Variants in DLEU7 observed in about 807,000 individuals in gnomAD.
DLEU7 encodes the protein deleted in lymphocytic leukemia 7.
In DLEU7, 17 loss-of-function variants were observed where a neutral mutation model predicts 16.0. The ratio of observed to expected loss-of-function variants is 1.06; its 90% CI spans 0.73 to 1.59. The LOEUF (loss-of-function observed/expected upper bound fraction) is 1.59, where lower values mean the gene tolerates loss of function less well. Among genes scored for constraint, DLEU7 ranks in the 40% most tolerant of loss-of-function variants. The probability of loss-of-function intolerance (pLI) is 0.00; values close to 1 mark genes in which losing one functional copy is unlikely to be tolerated. For missense variants in DLEU7, 308 were observed against 314.9 expected, an observed-to-expected ratio of 0.98 and a Z score of 0.17; for synonymous variants, 113 against 139.8, an observed-to-expected ratio of 0.81 and a Z score of 1.35.
intron 1 of DLEU7, among the ~76,000 whole-genome samples, chr13:50,780,085 G>A (rs148551073): frequency 6.6e-6 from 1 of 152,230 alleles, no homozygotes; most frequent in African/African-American, 2.4e-5. Flanking sequence ...TTAAGGCTGT[G>A]GTCAATTGGG....
intron 1 of DLEU7, among the ~76,000 whole-genome samples, chr13:50,737,329 A>G (rs1188049637): frequency 6.6e-6 from 1 of 152,176 alleles, no homozygotes; most frequent in Non-Finnish European, 1.5e-5. Flanking sequence ...TAACATTTGA[A>G]ATTTAACCTA....
intron 1 of DLEU7, among the ~76,000 whole-genome samples, chr13:50,793,385 G>A (rs1876022642): frequency 6.6e-6 from 1 of 152,014 alleles, no homozygotes; most frequent in South Asian, 2.1e-4. Context: ...GAGATTGCTG[G>A]GTCAAATGAT....
At chr13:50,782,123 C>T (rs1009159909) in intron 1 of DLEU7, among the ~76,000 whole-genome samples, 6 of 152,182 alleles carry the variant, frequency 3.9e-5, no homozygotes, top group African/African-American at 1.4e-4. Flanking sequence ...ACACTCTCTT[C>T]CCTCCGTTAG....
At chr13:50,731,048 C>T (rs79636251) in intron 1 of DLEU7, among the ~76,000 whole-genome samples, 4,040 of 152,238 alleles carry the variant, frequency 0.027, 179 homozygotes, top group African/African-American at 0.09. Context: ...TCAGACAGGT[C>T]GTGGCCCAAG....
intron 1 of DLEU7, among the ~76,000 whole-genome samples, chr13:50,740,082 T>C (rs781286969): frequency 9.9e-5 from 15 of 152,162 alleles, no homozygotes; most frequent in Non-Finnish European, 2.1e-4. Flanking sequence ...TGTTTCAAGT[T>C]CTTTTAAGCC....
At chr13:50,828,613 A>G (rs978894717) in intron 1 of DLEU7, among the ~76,000 whole-genome samples, 1 of 152,206 alleles carries the variant, frequency 6.6e-6, no homozygotes, top group Non-Finnish European at 1.5e-5. Context: ...ACTCAAAAAA[A>G]ATGGAAGGAA....
chr13:50,843,066 A>T lies in DLEU7; in HGVS notation c.459+122T>A. On this transcript the variant is annotated intron_variant, in intron 1 of 1. Transcript: ENST00000504404. This position sits in a 1 kb window ranked among gnomAD's most constrained non-coding sequence, Gnocchi z 5.7. ...CCCCTTCCTTCTCCCACTGGGGCTG[A>T]ATCACAGTGGGCAGCAGTGTTTGGG... 2 of 997,910 alleles carry T rather than the reference A, an allele frequency of 2.0e-6. No homozygotes were observed. Among genetic ancestry groups the T allele is most frequent in the Non-Finnish European group, 2.8e-6 (2 of 717,234 alleles). The allele number at this position is 997,910 out of a possible 1,614,324, so 61.8% of individuals were successfully genotyped here.
intron 1 of DLEU7, among the ~76,000 whole-genome samples, chr13:50,766,954 T>C (rs929683362): frequency 1.3e-5 from 2 of 152,114 alleles, no homozygotes; most frequent in African/African-American, 4.8e-5. Context: ...TGTGTCCTGG[T>C]TTTTCTCCTG....
At chr13:50,727,323 A>AT (rs3831051) in intron 1 of DLEU7, among the ~76,000 whole-genome samples, 1 of 151,708 alleles carries the variant, frequency 6.6e-6, no homozygotes, top group Non-Finnish European at 1.5e-5. Context: ...AGGTCTAGGT[A>AT]TTTTTTTTTC....
chr13:50,831,663 C>T (rs1877270661), intron 1 of DLEU7, among the ~76,000 whole-genome samples: 4 of 152,166 alleles, frequency 2.6e-5, no homozygotes. Flanking sequence ...GCCTGAGCAC[C>T]TACTCAGCAC....
chr13:50,823,719 C>G (rs1876990784), intron 1 of DLEU7, among the ~76,000 whole-genome samples, 199 bp from the exon 2 acceptor site: 1 of 152,178 alleles, frequency 6.6e-6, no homozygotes, highest in Admixed American at 6.5e-5. Flanking sequence ...AGGCCAATCA[C>G]AGTGTGGACT....
intron 1 of DLEU7, among the ~76,000 whole-genome samples, chr13:50,824,652 T>A (rs570242316): frequency 4.4e-4 from 67 of 152,234 alleles, no homozygotes; most frequent in Non-Finnish European, 7.5e-4. Context: ...TATCACACAG[T>A]CATTTGACTT....
intron 1 of DLEU7, among the ~76,000 whole-genome samples, chr13:50,801,456 C>T (rs1002287598): frequency 5.3e-5 from 8 of 152,110 alleles, no homozygotes; most frequent in African/African-American, 1.9e-4. Context: ...TGAGCAGAGA[C>T]CGGTCTACTG....
In DLEU7 at chr13:50,730,115, T is replaced by G. The variant is rs1873876751; in HGVS notation, c.460-16875A>C. On this transcript the variant is annotated intron_variant, in intron 1 of 1. Transcript: ENST00000400393. ...AAGTGGAAGTGGATCATCATAAAGG[T>G]CTTTATGCTTGTTGTCTTCATGTTG... 2.6e-5 allele frequency among the ~76,000 whole-genome samples: 4 copies of G among 151,842 alleles called. No homozygotes were observed. In the South Asian group the frequency reaches 8.3e-4, roughly 31 times the overall value.
chr13:50,804,619 A>T (rs530594764), intron 1 of DLEU7, among the ~76,000 whole-genome samples: 1 of 151,676 alleles, frequency 6.6e-6, no homozygotes, highest in African/African-American at 2.4e-5. Flanking sequence ...ATTTTTTAAA[A>T]ATTTTTATTA....
intron 1 of DLEU7, among the ~76,000 whole-genome samples, chr13:50,728,006 A>T (rs1477668842): frequency 1.3e-5 from 2 of 152,162 alleles, no homozygotes; most frequent in Non-Finnish European, 2.9e-5. Flanking sequence ...TTGCATTTCT[A>T]ACAGCTTGCA....
intron 1 of DLEU7, among the ~76,000 whole-genome samples, chr13:50,832,078 C>T (rs1877290399): frequency 6.6e-6 from 1 of 152,066 alleles, no homozygotes; most frequent in Non-Finnish European, 1.5e-5. Flanking sequence ...CCTCTTTGTA[C>T]CTCTGGTGGA....
chr13:50,802,821 A>G (rs1195776833), intron 1 of DLEU7, among the ~76,000 whole-genome samples: 1 of 152,198 alleles, frequency 6.6e-6, no homozygotes, highest in Non-Finnish European at 1.5e-5. Context: ...TGTGTATATC[A>G]TACATGTACA....
chr13:50,749,485 T>C (rs1159202931), intron 1 of DLEU7, among the ~76,000 whole-genome samples: 2 of 152,210 alleles, frequency 1.3e-5, no homozygotes, highest in African/African-American at 4.8e-5. Flanking sequence ...ATGGAAGTTC[T>C]ACTTTTACTT....
Sources: gnomAD v4.1 joint callset for allele counts (sites outside exome capture counted in the v4.1 genomes callset) on GRCh38, gnomAD v4.1.1 for gene constraint, Gnocchi (gnomAD v3.1) non-coding constraint, MANE v1.5 for transcripts, NCBI Gene and HGNC (gene_info 2026-07-23, HGNC 2026-07-21) for gene names.